Variants in CNTNAP5 observed in about 807,000 individuals in gnomAD.
CNTNAP5 encodes contactin associated protein family member 5.
CNTNAP5 carries 72 observed loss-of-function variants against 150.2 expected under a neutral mutation model. The observed-to-expected ratio is 0.48, with a 90% CI of 0.40 to 0.58. The LOEUF (loss-of-function observed/expected upper bound fraction) is 0.58, where lower values mean the gene tolerates loss of function less well. Ranked by LOEUF, CNTNAP5 falls within the 20% of genes least tolerant of loss-of-function variation. The pLI is 0.00. For synonymous variants in CNTNAP5, 672 were observed against 619.8 expected, an observed-to-expected ratio of 1.08 and a Z score of -1.25; for missense variants, 1,636 against 1,626.2, an observed-to-expected ratio of 1.01 and a Z score of -0.10.
chr2:124,166,719 A>G (rs1373654952), intron 1 of CNTNAP5, among the ~76,000 whole-genome samples: 2 of 152,188 alleles, frequency 1.3e-5, no homozygotes, highest in East Asian at 3.9e-4. Context: ...GATGGCCACC[A>G]GAGGGAACAA....
intron 8 of CNTNAP5, among the ~76,000 whole-genome samples, chr2:124,515,059 G>C (rs1395397550): frequency 6.6e-6 from 1 of 152,226 alleles, no homozygotes. Flanking sequence ...GGCAAAGCCA[G>C]ATGTTTTCCC....
At chr2:124,479,848 A>G (rs1693726148) in intron 7 of CNTNAP5, among the ~76,000 whole-genome samples, 1 of 152,154 alleles carries the variant, frequency 6.6e-6, no homozygotes, top group Non-Finnish European at 1.5e-5. Flanking sequence ...ATCTTGAGAA[A>G]GTTACGAAAC....
chr2:124,319,836 A>G (rs1325525707), intron 3 of CNTNAP5, among the ~76,000 whole-genome samples: 1 of 152,142 alleles, frequency 6.6e-6, no homozygotes, highest in Non-Finnish European at 1.5e-5. Flanking sequence ...AGTGAAAACC[A>G]CTGCTCTAGG....
chr2:124,905,825 T>C (rs759806591), intron 22 of CNTNAP5, among the ~76,000 whole-genome samples: 1 of 152,096 alleles, frequency 6.6e-6, no homozygotes, highest in Non-Finnish European at 1.5e-5. Context: ...ATAGTTTGAA[T>C]AATGTGGGCA....
chr2:124,681,127 A>T (rs964588268), intron 13 of CNTNAP5, among the ~76,000 whole-genome samples: 7 of 150,274 alleles, frequency 4.7e-5, no homozygotes, highest in East Asian at 1.9e-4. Flanking sequence ...TCTACTAAAA[A>T]AAATAAATAA....
intron 2 of CNTNAP5, among the ~76,000 whole-genome samples, chr2:124,237,412 T>C (rs1034197505): frequency 1.3e-5 from 2 of 152,210 alleles, no homozygotes; most frequent in African/African-American, 4.8e-5. Flanking sequence ...TTCTGCTTCA[T>C]GCTTACAGCC....
intron 6 of CNTNAP5, among the ~76,000 whole-genome samples, chr2:124,463,695 TG>T (rs1693307857): frequency 6.6e-6 from 1 of 152,176 alleles, no homozygotes; most frequent in Non-Finnish European, 1.5e-5. Context: ...GCCGTAAGGA[TG>T]TGGAACATTT....
At chr2:124,819,637 C>T (rs951486149) in intron 19 of CNTNAP5, among the ~76,000 whole-genome samples, 1 of 152,072 alleles carries the variant, frequency 6.6e-6, no homozygotes, top group African/African-American at 2.4e-5. Flanking sequence ...ATGATTTCAT[C>T]CTTTAGCTTC....
At chr2:124,765,073 T>C (rs529595463) in intron 16 of CNTNAP5, among the ~76,000 whole-genome samples, 5 of 152,258 alleles carry the variant, frequency 3.3e-5, no homozygotes, top group African/African-American at 1.2e-4. Context: ...TTGTTTCATA[T>C]GAAGCAAGAG....
At chr2:124,878,428 A>G (rs1346233317) in intron 21 of CNTNAP5, among the ~76,000 whole-genome samples, 1 of 152,120 alleles carries the variant, frequency 6.6e-6, no homozygotes, top group Non-Finnish European at 1.5e-5. Flanking sequence ...CTGCCATTTA[A>G]TAACAGCTCA....
intron 3 of CNTNAP5, among the ~76,000 whole-genome samples, chr2:124,290,965 G>C (rs1207365777): frequency 1.3e-5 from 2 of 151,856 alleles, no homozygotes; most frequent in African/African-American, 4.8e-5. Context: ...TTGTGAATAG[G>C]AAATGAAATA....
intron 3 of CNTNAP5, among the ~76,000 whole-genome samples, chr2:124,269,242 T>C (rs1047760676): frequency 2.6e-5 from 4 of 152,180 alleles, no homozygotes; most frequent in Non-Finnish European, 5.9e-5. Flanking sequence ...GTCATCTATT[T>C]CAGGAATCCT....
At chr2:124,746,940 A>C (rs576457160) in intron 13 of CNTNAP5, among the ~76,000 whole-genome samples, 1 of 152,060 alleles carries the variant, frequency 6.6e-6, no homozygotes, top group Admixed American at 6.5e-5. Context: ...ATATGTGTAC[A>C]TATATGGGCA....
chr2:124,285,574 T>C (rs1047973241), intron 3 of CNTNAP5, among the ~76,000 whole-genome samples: 1 of 151,772 alleles, frequency 6.6e-6, no homozygotes, highest in African/African-American at 2.4e-5. Flanking sequence ...CCGAAGAGGT[T>C]GGCTAGCTTG....
intron 13 of CNTNAP5, among the ~76,000 whole-genome samples, chr2:124,686,688 G>A (rs576038980): frequency 2.0e-5 from 3 of 152,178 alleles, no homozygotes; most frequent in Non-Finnish European, 2.9e-5. Flanking sequence ...GTCAACCTGC[G>A]GAGTTGTGAA....
chr2:124,841,359 A>G (rs995132747), intron 19 of CNTNAP5, among the ~76,000 whole-genome samples: 3 of 150,116 alleles, frequency 2.0e-5, no homozygotes, highest in Admixed American at 2.0e-4. Context: ...CTTCCACCCA[A>G]CCATAGATAT....
rs561051562 is a variant in CNTNAP5 at position 124,557,007 on chromosome 2, C to T, written c.1650-6210C>T. ...ATGCTAGATATTCTCCTGCCTTCCC[C>T]CCCGCTCAAAAAAAAAAAAAGCTCT... is the stretch of plus-strand genomic sequence containing the variant. On this transcript the variant is annotated intron_variant, in intron 10 of 23. Coordinates refer to ENST00000682447, the MANE Select transcript of CNTNAP5 (RefSeq NM_001367498.1). Among the ~76,000 whole-genome samples, 9 of 151,140 alleles carry T rather than the reference C, an allele frequency of 6.0e-5. No homozygotes were observed. In the East Asian group the frequency reaches 1.7e-3, roughly 29 times the overall value.
At chr2:124,156,485 C>T (rs1456207801) in intron 1 of CNTNAP5, among the ~76,000 whole-genome samples, 4 of 152,060 alleles carry the variant, frequency 2.6e-5, no homozygotes, top group East Asian at 1.9e-4. Flanking sequence ...AAAATGTGAA[C>T]ATTTTGCCTA....
At chr2:124,784,067 A>C (rs1209802942) in intron 17 of CNTNAP5, among the ~76,000 whole-genome samples, 1 of 152,140 alleles carries the variant, frequency 6.6e-6, no homozygotes, top group Non-Finnish European at 1.5e-5. Context: ...AAAGTCTGCC[A>C]CTTTTTGAAA....
Sources: gnomAD v4.1 joint callset for allele counts (sites outside exome capture counted in the v4.1 genomes callset) on GRCh38, gnomAD v4.1.1 for gene constraint, MANE v1.5 for transcripts, NCBI Gene and HGNC (gene_info 2026-07-23, HGNC 2026-07-21) for gene names.